Variants in DNAH14 observed in about 807,000 individuals in gnomAD.
DNAH14 encodes dynein axonemal heavy chain 14.
DNAH14 carries 478 observed loss-of-function variants against 520.9 expected under a neutral mutation model. That is an observed-to-expected ratio of 0.92 (90% CI 0.85 to 0.99). The LOEUF is 0.99. Ranked by LOEUF, DNAH14 falls within the 50% of genes least tolerant of loss-of-function variation. The pLI, the probability that DNAH14 is intolerant of heterozygous loss-of-function variation, is 0.00. For synonymous variants in DNAH14, 1,581 were observed against 1,757.2 expected, an observed-to-expected ratio of 0.90 and a Z score of 2.51; for missense variants, 4,831 against 5,234.5, an observed-to-expected ratio of 0.92 and a Z score of 2.38.
chr1:224,981,787 C>T (rs539308836), intron 8 of DNAH14, among the ~76,000 whole-genome samples: 2 of 152,132 alleles, frequency 1.3e-5, no homozygotes, highest in South Asian at 4.1e-4. Flanking sequence ...GTTTCACTTT[C>T]GTTTAGTTCT....
At chr1:224,996,351 G>T (rs2063394017) in intron 8 of DNAH14, among the ~76,000 whole-genome samples, 1 of 151,810 alleles carries the variant, frequency 6.6e-6, no homozygotes, top group South Asian at 2.1e-4. Flanking sequence ...TGTGGAAACA[G>T]TGCCTCACTG....
chr1:225,000,113 T>C (rs2063654523), intron 8 of DNAH14, among the ~76,000 whole-genome samples: 1 of 152,218 alleles, frequency 6.6e-6, no homozygotes, highest in Admixed American at 6.5e-5. Flanking sequence ...ATACAGGTTC[T>C]ACTTTTCATT....
rs1473528221 is a variant in DNAH14, at chr1:224,969,813, A to T, written c.767+939A>T. ...GATTTCATGGATACTTATCACAATA[A>T]ATACCCTTGTGATTTCCTATGCCTG... On this transcript the variant is annotated intron_variant, in intron 7 of 85. Transcript: ENST00000682510. The T allele has an allele frequency of 3.2e-5, 5 of 156,650 alleles. 1 individual carries two copies. Among genetic ancestry groups the T allele is most frequent in the African/African-American group, 9.6e-5 (4 of 41,510 alleles). 9.7% of individuals were successfully genotyped at this position (156,650 alleles called of 1,614,324 possible). A position where few individuals can be genotyped will look rare whatever the true frequency, so the allele number is the denominator to read the frequency against.
At chr1:225,005,920 T>G (rs1444162152) in intron 9 of DNAH14, among the ~76,000 whole-genome samples, 1 of 152,094 alleles carries the variant, frequency 6.6e-6, no homozygotes, top group Non-Finnish European at 1.5e-5. Context: ...TGAATAAAAT[T>G]AACCTTATTT....
chr1:224,975,056 T>C (rs2061726746), intron 8 of DNAH14, among the ~76,000 whole-genome samples: 1 of 152,018 alleles, frequency 6.6e-6, no homozygotes, highest in Non-Finnish European at 1.5e-5. Flanking sequence ...TGAACCAGCC[T>C]TGCATCCCAG....
intron 83 of DNAH14, among the ~76,000 whole-genome samples, chr1:225,391,960 A>G (rs2095920204): frequency 6.6e-6 from 1 of 151,978 alleles, no homozygotes; most frequent in African/African-American, 2.4e-5. Flanking sequence ...TGCCGAGAGG[A>G]TGAGGCATGA....
At chr1:225,010,946 C>T (rs1486204969) in intron 10 of DNAH14, among the ~76,000 whole-genome samples, 2 of 150,940 alleles carry the variant, frequency 1.3e-5, no homozygotes, top group East Asian at 3.9e-4. Flanking sequence ...GTTGTCTCCC[C>T]TTCATCATTT....
chr1:224,956,274 A>G (rs1363889715), intron 3 of DNAH14, among the ~76,000 whole-genome samples: 1 of 152,116 alleles, frequency 6.6e-6, no homozygotes, highest in Non-Finnish European at 1.5e-5. Flanking sequence ...GGACTAGACC[A>G]TACTTTGTTT....
At chr1:225,131,903 T>G (rs1007537766) in intron 27 of DNAH14, among the ~76,000 whole-genome samples, 1 of 151,826 alleles carries the variant, frequency 6.6e-6, no homozygotes, top group African/African-American at 2.4e-5. Context: ...CCAAGAAACA[T>G]GAACAGCTAA....
chr1:225,317,955 A>T (rs2094495857), intron 60 of DNAH14, among the ~76,000 whole-genome samples: 1 of 152,208 alleles, frequency 6.6e-6, no homozygotes, highest in Admixed American at 6.5e-5. Context: ...TATTTCAGAC[A>T]GTTTACAGTA....
intron 17 of DNAH14, among the ~76,000 whole-genome samples, chr1:225,063,812 C>T (rs549217346): frequency 1.2e-4 from 18 of 148,872 alleles, no homozygotes; most frequent in Non-Finnish European, 1.8e-4. Flanking sequence ...CCAATGAAAA[C>T]GAAAAAAGAA....
In DNAH14 at chr1:225,152,863, C is replaced by T. The variant is rs183567269; in HGVS notation, c.5176C>T (p.Arg1726Cys). 1.5e-4 allele frequency: 228 copies of T among 1,550,152 alleles called. No homozygotes were observed. The highest frequency in any genetic ancestry group is 1.1e-3 in the Admixed American group (57 of 50,848). Reference sequence around the variant, plus strand: ...GCTAACTAACCTTTATGAATTAGCGCGCAAACAGCTCTCACAACAGGTAAA... The same window carrying T: ...GCTAACTAACCTTTATGAATTAGCGTGCAAACAGCTCTCACAACAGGTAAA... Reference protein sequence around the residue: ...GKLTNLYELARKQLSQQDHYN... With the variant: ...GKLTNLYELACKQLSQQDHYN... Residue 1726 changes from arginine to cysteine, a missense_variant, in exon 33 of 86, where the codon CGC (arginine) becomes TGC (cysteine). By Grantham distance (180) the Arg-to-Cys change is radical. Transcript: ENST00000682510.
At position 225,206,968 on chromosome 1, in the gene DNAH14, G is replaced by T; in HGVS notation, c.6187G>T (p.Asp2063Tyr). Residue 2063 changes from aspartate (D) to tyrosine (Y), a missense_variant and splice_region_variant, in exon 41 of 86, where the codon GAT becomes TAT. Physicochemically the swap from Asp to Tyr is radical, Grantham distance 160 (BLOSUM62 -3). Transcript: ENST00000682510. ...TVSRCAMVYM[D>Y]PVDLGWEPYV... ...ATTATATTTTGCTCCTTATTATTAG[G>T]ATCCTGTTGATCTGGGATGGGAACC... is the stretch of plus-strand genomic sequence containing the variant. 6.8e-7 allele frequency: 1 copy of T among 1,479,476 alleles called. No individual in the cohort carries two copies. The highest frequency in any genetic ancestry group is 9.0e-7 in the Non-Finnish European group (1 of 1,115,280). The allele number at this position is 1,479,476 out of a possible 1,614,324, so 91.6% of individuals were successfully genotyped here. A position where few individuals can be genotyped will look rare whatever the true frequency, so the allele number is the denominator to read the frequency against.
intron 23 of DNAH14, among the ~76,000 whole-genome samples, chr1:225,107,281 G>T (rs2076139805): frequency 6.6e-6 from 1 of 152,212 alleles, no homozygotes; most frequent in Non-Finnish European, 1.5e-5. Flanking sequence ...GTGTCAGTCT[G>T]CCCCTACTGG....
intron 30 of DNAH14, among the ~76,000 whole-genome samples, chr1:225,145,682 A>G (rs1284576548): frequency 6.6e-6 from 1 of 152,184 alleles, no homozygotes; most frequent in Non-Finnish European, 1.5e-5. Flanking sequence ...AATATATAAA[A>G]CAATTAAAGA....
At chr1:225,015,649 C>A (rs2065158436) in intron 10 of DNAH14, among the ~76,000 whole-genome samples, 1 of 152,082 alleles carries the variant, frequency 6.6e-6, no homozygotes, top group Non-Finnish European at 1.5e-5. Flanking sequence ...AACGTTTACC[C>A]CATGTAAATG....
chr1:224,984,800 G>A (rs2062513118), intron 8 of DNAH14, among the ~76,000 whole-genome samples: 1 of 152,060 alleles, frequency 6.6e-6, no homozygotes. Context: ...ATAAAAAAGT[G>A]GGCTAAGGAC....
intron 8 of DNAH14, among the ~76,000 whole-genome samples, chr1:224,982,627 G>A (rs1182270711): frequency 6.6e-6 from 1 of 152,032 alleles, no homozygotes; most frequent in Non-Finnish European, 1.5e-5. Context: ...TACCCCAGAG[G>A]TTTTGATAGG....
chr1:225,083,051 A>T (rs1237239264), intron 20 of DNAH14, among the ~76,000 whole-genome samples: 1 of 152,140 alleles, frequency 6.6e-6, no homozygotes, highest in Admixed American at 6.6e-5. Flanking sequence ...TAGGAATGGA[A>T]ATATCAAAAC....
Sources: allele counts gnomAD v4.1 joint callset (sites outside exome capture counted in the v4.1 genomes callset), GRCh38; gene constraint gnomAD v4.1.1; transcripts MANE v1.5; gene names NCBI Gene and HGNC (gene_info 2026-07-23, HGNC 2026-07-21).